The following BARD1 variants were observed in gnomAD, a reference collection of about 807,000 sequenced individuals.
BARD1 encodes BRCA1-associated RING domain protein 1.
A neutral mutation model predicts 77.0 loss-of-function variants in BARD1; 73 were observed. The observed-to-expected ratio is 0.95, with a 90% CI of 0.79 to 1.15. BARD1 has a LOEUF of 1.15. Among genes scored for constraint, BARD1 ranks in the 50% most tolerant of loss-of-function variants. The pLI, the probability that BARD1 is intolerant of heterozygous loss-of-function variation, is 0.00. For synonymous variants in BARD1, 384 were observed against 338.0 expected (o/e 1.14, Z -1.49); for missense variants, 993 against 938.8 (o/e 1.06, Z -0.75).
rs1692151540 is a variant in BARD1, at chr2:214,727,964, G to T, written c.*712C>A. 1 of 215,040 alleles carries T rather than the reference G, an allele frequency of 4.7e-6. No individual in the cohort carries two copies. Among genetic ancestry groups the T allele is most frequent in the African/African-American group, 2.3e-5 (1 of 44,344 alleles). The allele number at this position is 215,040 out of a possible 1,614,324, so 13.3% of individuals were successfully genotyped here. A position where few individuals can be genotyped will look rare whatever the true frequency, so the allele number is the denominator to read the frequency against. ...TATATACACATGTAGTAGATAAACA[G>T]AGTTACAAATTGATAGTTACAAGCA... On this transcript the variant is annotated 3_prime_UTR_variant, in exon 11 of 11. Coordinates refer to ENST00000260947, the MANE Select transcript of BARD1 (RefSeq NM_000465.4).
chr2:214,750,381 A>G (rs373628107), intron 7 of BARD1, among the ~76,000 whole-genome samples: 1 of 152,078 alleles, frequency 6.6e-6, no homozygotes, highest in Non-Finnish European at 1.5e-5. Context: ...GCTTTTCACA[A>G]TCTGGTCCCA....
At position 214,781,563 on chromosome 2, in the gene BARD1, T is replaced by G. The variant is rs1338074638; in HGVS notation, c.365-54A>C. 5 of 1,449,400 alleles carry G rather than the reference T, an allele frequency of 3.4e-6. No homozygotes were observed. The Admixed American group carries it at 5.5e-5, about 16-fold the overall frequency. 89.8% of individuals were successfully genotyped at this position (1,449,400 alleles called of 1,614,324 possible). ...TTACATGAAATTTATTGCTCCCACA[T>G]GGAGCTCCCGAAGAATTTTGTTTAC... On this transcript the variant is annotated intron_variant, in intron 3 of 10. Coordinates refer to ENST00000260947, the MANE Select transcript of BARD1 (RefSeq NM_000465.4).
chr2:214,778,139 T>A (rs950429295), intron 4 of BARD1, among the ~76,000 whole-genome samples: 1 of 151,978 alleles, frequency 6.6e-6, no homozygotes, highest in South Asian at 2.1e-4. Context: ...GAGGTTGCAG[T>A]GAGCTGAGAT....
At chr2:214,748,508 T>C (rs1277978269) in intron 7 of BARD1, among the ~76,000 whole-genome samples, 1 of 151,898 alleles carries the variant, frequency 6.6e-6, no homozygotes, top group Non-Finnish European at 1.5e-5. Context: ...TCATCAAAAA[T>C]GGGGTTAAAA....
intron 7 of BARD1, among the ~76,000 whole-genome samples, chr2:214,746,764 G>C (rs7563978): frequency 0.49 from 74,241 of 151,688 alleles, 18,326 homozygotes; most frequent in East Asian, 0.56. Context: ...AGAAGAAAAC[G>C]TAGGCAATAC....
At chr2:214,785,967 C>T (rs1559430925) in intron 3 of BARD1, among the ~76,000 whole-genome samples, 1 of 151,814 alleles carries the variant, frequency 6.6e-6, no homozygotes, top group Non-Finnish European at 1.5e-5. Flanking sequence ...AAAGAAACTA[C>T]CCAAATTTTG....
intron 3 of BARD1, among the ~76,000 whole-genome samples, chr2:214,785,376 A>C (rs1434694074): frequency 6.6e-6 from 1 of 151,964 alleles, no homozygotes; most frequent in Admixed American, 6.6e-5. Context: ...TCAAGAAAAA[A>C]AAATTGCCTT....
intron 6 of BARD1, among the ~76,000 whole-genome samples, chr2:214,759,835 G>A (rs1232498726): frequency 6.6e-6 from 1 of 152,134 alleles, no homozygotes; most frequent in Admixed American, 6.5e-5. Flanking sequence ...ATTAAATAGT[G>A]AAGATGGCAA....
Position 214,728,513 on chromosome 2 carries a change from A to G in BARD1, c.*163T>C. On this transcript the variant is annotated 3_prime_UTR_variant, in exon 11 of 11. Transcript: ENST00000260947. ...CCAGCTTCTAAATGGTAAACATAAC[A>G]TGAATTCCTAATCTGGCATTAGACT... The G allele has an allele frequency of 3.0e-6, 2 of 676,482 alleles. No individual in the cohort carries two copies. Among genetic ancestry groups the G allele is most frequent in the Non-Finnish European group, 4.8e-6 (2 of 412,978 alleles). The allele number at this position is 676,482 out of a possible 1,614,324, so 41.9% of individuals were successfully genotyped here.
At chr2:214,758,805 T>C (rs906247665) in intron 6 of BARD1, among the ~76,000 whole-genome samples, 13 of 152,202 alleles carry the variant, frequency 8.5e-5, no homozygotes, top group Admixed American at 3.3e-4. Context: ...AGTAATAATA[T>C]GGCAGACACC....
At chr2:214,759,356 G>A (rs368015634) in intron 6 of BARD1, among the ~76,000 whole-genome samples, 2 of 152,084 alleles carry the variant, frequency 1.3e-5, no homozygotes, top group African/African-American at 4.8e-5. Context: ...TCATGTGACC[G>A]TAAGAGCTGT....
At chr2:214,752,289 T>C (rs1235878360) in intron 7 of BARD1, among the ~76,000 whole-genome samples, 158 bp downstream of exon 7, 2 of 152,188 alleles carry the variant, frequency 1.3e-5, no homozygotes, top group Non-Finnish European at 2.9e-5. Context: ...CGTACTGTGA[T>C]TATGTCTTTG....
At position 214,809,416 on chromosome 2, in the gene BARD1, G is replaced by A; in HGVS notation, c.154C>T (p.Arg52Cys). 1 of 1,612,386 alleles carries A rather than the reference G, an allele frequency of 6.2e-7. No individual in the cohort carries two copies. The highest frequency in any genetic ancestry group is 2.2e-5 in the East Asian group (1 of 44,844). Residue 52 changes from arginine (R) to cysteine (C), a missense_variant, in exon 1 of 11, where the codon CGT (arginine) becomes TGT (cysteine). Physicochemically the swap from Arg to Cys is radical, Grantham distance 180. Transcript: ENST00000260947. ...CCCAAGAAGCTCCGTCTTTACCAAC[G>A]CGAGCAGCGCAGCAGCTTCTCCAGG... ...DRLEKLLRCS[R>C]CTNILREPVC...
At chr2:214,795,003 C>T (rs1461097410) in intron 2 of BARD1, among the ~76,000 whole-genome samples, 3 of 152,226 alleles carry the variant, frequency 2.0e-5, no homozygotes, top group Admixed American at 1.3e-4. Flanking sequence ...ATGGATCCCC[C>T]ACCCCACCAC....
chr2:214,784,994 C>T (rs1695205766), intron 3 of BARD1, among the ~76,000 whole-genome samples: 1 of 149,486 alleles, frequency 6.7e-6, no homozygotes, highest in Admixed American at 6.7e-5. Flanking sequence ...CCTGCATGTT[C>T]TGCACATGTA....
intron 1 of BARD1, among the ~76,000 whole-genome samples, chr2:214,807,159 A>C (rs1323989219): frequency 1.3e-5 from 2 of 152,106 alleles, no homozygotes; most frequent in African/African-American, 4.8e-5. Flanking sequence ...GCAGACCCCT[A>C]CATGAAAACA....
intron 2 of BARD1, among the ~76,000 whole-genome samples, chr2:214,795,391 G>A (rs1210831440): frequency 6.6e-6 from 1 of 152,106 alleles, no homozygotes; most frequent in Non-Finnish European, 1.5e-5. Context: ...CGTCCAAGAG[G>A]AAGACAGGTT....
chr2:214,792,573 T>A, intron 2 of BARD1, 128 bp from the exon 3 acceptor site: 4 of 911,412 alleles, frequency 4.4e-6, no homozygotes, highest in South Asian at 3.6e-5. Context: ...AATTGTAATA[T>A]CCTTGTTGAA....
At chr2:214,739,615 A>G (rs1324556863) in intron 9 of BARD1, among the ~76,000 whole-genome samples, 1 of 152,124 alleles carries the variant, frequency 6.6e-6, no homozygotes, top group Non-Finnish European at 1.5e-5. Flanking sequence ...TAAGTAAAAG[A>G]ACAGAGAAAT....
Sources: gnomAD v4.1 joint callset for allele counts (sites outside exome capture counted in the v4.1 genomes callset) on GRCh38, gnomAD v4.1.1 for gene constraint, MANE v1.5 for transcripts, NCBI Gene and HGNC (gene_info 2026-07-23, HGNC 2026-07-21) for gene names.